EEPD1: variants seen among roughly 807,000 people sequenced by gnomAD.
The protein encoded by EEPD1 is endonuclease/exonuclease/phosphatase family domain-containing protein 1.
A neutral mutation model predicts 46.3 loss-of-function variants in EEPD1; 17 were observed. The ratio of observed to expected loss-of-function variants is 0.37; its 90% CI spans 0.25 to 0.55. EEPD1 has a LOEUF of 0.55. Among genes scored for constraint, EEPD1 ranks in the 20% least tolerant of loss-of-function variants. EEPD1 has a pLI of 0.83. For synonymous variants in EEPD1, 313 were observed against 315.6 expected (o/e 0.99, Z 0.09); for missense variants, 673 against 745.6 (o/e 0.90, Z 1.13).
At chr7:36,160,877 G>T (rs1461937335) in intron 2 of EEPD1, among the ~76,000 whole-genome samples, 1 of 152,096 alleles carries the variant, frequency 6.6e-6, no homozygotes, top group Non-Finnish European at 1.5e-5. Context: ...ATGCTCTGAG[G>T]TTTCTATGAG....
chr7:36,252,829 C>CTTTTTTTTTT (rs71553053), intron 3 of EEPD1, among the ~76,000 whole-genome samples: 3 of 54,896 alleles, frequency 5.5e-5, no homozygotes, highest in African/African-American at 7.7e-5. Context: ...GTGTTCTCTC[C>CTTTTTTTTTT]TTTTTTTTTT....
intron 2 of EEPD1, among the ~76,000 whole-genome samples, chr7:36,175,333 T>C (rs1785159308): frequency 6.6e-6 from 1 of 152,166 alleles, no homozygotes; most frequent in African/African-American, 2.4e-5. Flanking sequence ...TGGGCTTAAG[T>C]GATCCTCCCA....
At chr7:36,191,771 A>G (rs1309051874) in intron 2 of EEPD1, among the ~76,000 whole-genome samples, 1 of 152,226 alleles carries the variant, frequency 6.6e-6, no homozygotes, top group Non-Finnish European at 1.5e-5. Context: ...TGACCATTCC[A>G]GCGGGCAGCA....
intron 2 of EEPD1, among the ~76,000 whole-genome samples, chr7:36,208,353 G>A (rs1301477960): frequency 2.0e-5 from 3 of 152,238 alleles, no homozygotes; most frequent in Non-Finnish European, 2.9e-5. Context: ...CCTTTACAAA[G>A]AGTAAGCAGC....
At chr7:36,222,500 A>G (rs1180906321) in intron 2 of EEPD1, among the ~76,000 whole-genome samples, 3 of 152,224 alleles carry the variant, frequency 2.0e-5, no homozygotes, top group Non-Finnish European at 4.4e-5. Flanking sequence ...GGTGAACTGT[A>G]TATATAACAG....
chr7:36,268,362 T>C (rs196574), intron 3 of EEPD1, among the ~76,000 whole-genome samples: 1 of 152,130 alleles, frequency 6.6e-6, no homozygotes, highest in East Asian at 1.9e-4. Context: ...GGTTTCACCA[T>C]CTTGTCCAGG....
chr7:36,289,604 C>T (rs1351914040), intron 6 of EEPD1, among the ~76,000 whole-genome samples: 1 of 152,236 alleles, frequency 6.6e-6, no homozygotes. Flanking sequence ...ACGCCATTCT[C>T]CTGCCTCAGC....
rs1183094842 is a variant in EEPD1 at position 36,176,273 on chromosome 7, C to T, written c.878+21071C>T. On this transcript the variant is annotated intron_variant, in intron 2 of 7. Coordinates refer to ENST00000242108, the MANE Select transcript of EEPD1 (RefSeq NM_030636.3). ...TGGTGGTGGCTGGGGCGAGGATGCT[C>T]AGTGCGTTTGGAAGACAGCAAATCA... Among the ~76,000 whole-genome samples, 5 of 152,282 alleles carry T rather than the reference C, an allele frequency of 3.3e-5. 1 individual carries two copies. The highest frequency in any genetic ancestry group is 3.4e-3 in the Middle Eastern group (1 of 294).
intron 2 of EEPD1, among the ~76,000 whole-genome samples, chr7:36,180,758 T>C (rs930960982): frequency 5.3e-5 from 8 of 152,120 alleles, no homozygotes; most frequent in African/African-American, 1.2e-4. Flanking sequence ...GTCGGGCTCC[T>C]TCCCTGCTCT....
intron 3 of EEPD1, among the ~76,000 whole-genome samples, chr7:36,255,342 A>G (rs919070651): frequency 1.3e-5 from 2 of 152,176 alleles, no homozygotes; most frequent in African/African-American, 2.4e-5. Context: ...ATCCAGTTTC[A>G]GTTTTCTGCA....
chr7:36,214,867 G>A (rs544325731), intron 2 of EEPD1, among the ~76,000 whole-genome samples: 31 of 152,284 alleles, frequency 2.0e-4, no homozygotes, highest in Non-Finnish European at 2.5e-4. Flanking sequence ...TTCCCTGAGC[G>A]GAGAGAATCA....
intron 2 of EEPD1, among the ~76,000 whole-genome samples, chr7:36,227,801 C>G (rs1786253918): frequency 6.6e-6 from 1 of 152,166 alleles, no homozygotes; most frequent in African/African-American, 2.4e-5. Context: ...GATTCTCCTG[C>G]CTCAGGCTCC....
chr7:36,278,087 A>G (rs196584), intron 3 of EEPD1, among the ~76,000 whole-genome samples: 135,762 of 152,220 alleles, frequency 0.89, 60,746 homozygotes, highest in Non-Finnish European at 0.92. Context: ...GCCCCTGAGA[A>G]TCTTTAGTTA....
chr7:36,199,275 C>A (rs1412622046), intron 2 of EEPD1, among the ~76,000 whole-genome samples: 2 of 152,118 alleles, frequency 1.3e-5, no homozygotes, highest in Non-Finnish European at 2.9e-5. Context: ...TGAGTTGACA[C>A]AGTTTTCCAG....
chr7:36,288,801 G>C (rs1355735070), intron 6 of EEPD1, among the ~76,000 whole-genome samples: 1 of 150,958 alleles, frequency 6.6e-6, no homozygotes, highest in African/African-American at 2.4e-5. Context: ...CCAGGACAAA[G>C]GGGGGCTATG....
chr7:36,236,656 T>A (rs1425259292), intron 2 of EEPD1, among the ~76,000 whole-genome samples: 2 of 152,034 alleles, frequency 1.3e-5, no homozygotes, highest in Non-Finnish European at 2.9e-5. Context: ...TAGCTAAAGG[T>A]TTGTAAACGC....
chr7:36,284,430 A>G (rs2115876787), intron 4 of EEPD1, among the ~76,000 whole-genome samples: 1 of 152,202 alleles, frequency 6.6e-6, no homozygotes, highest in Non-Finnish European at 1.5e-5. Flanking sequence ...GGCTTCACCC[A>G]CCTCCCCCCA....
rs568936724 is a variant in EEPD1, at chr7:36,155,347, G to T, written c.878+145G>T. On this transcript the variant is annotated intron_variant, in intron 2 of 7. Transcript: ENST00000242108. ...TGTTCTTGAAGCCTCAGCCAATACC[G>T]TCACCTGAGAATGGGCTGTCCTTCT... 177 of 1,005,210 alleles carry T rather than the reference G, an allele frequency of 1.8e-4. 1 individual carries two copies. The African/African-American group carries it at 2.8e-3, about 16-fold the overall frequency. The allele number at this position is 1,005,210 out of a possible 1,614,324, so 62.3% of individuals were successfully genotyped here. A position where few individuals can be genotyped will look rare whatever the true frequency, so the allele number is the denominator to read the frequency against.
Position 36,225,402 on chromosome 7 carries a change from TC to T in EEPD1, c.879-13581del, listed in dbSNP as rs2115754048. On this transcript the variant is annotated intron_variant, in intron 2 of 7. Transcript: ENST00000242108. The surrounding 1 kb of genome is among the most constrained non-coding windows in gnomAD (Gnocchi z 4.2). ...GATTATTGAAATCAGTGATCCGTCA[TC>T]CAAACTGTGATGGAAGGAAACCCCG... Among the ~76,000 whole-genome samples the T allele has an allele frequency of 6.6e-6, 1 of 152,236 alleles. No homozygotes were observed. Among genetic ancestry groups the T allele is most frequent in the South Asian group, 2.1e-4 (1 of 4,822 alleles).
Sources: gnomAD v4.1 joint callset for allele counts (sites outside exome capture counted in the v4.1 genomes callset) on GRCh38, gnomAD v4.1.1 for gene constraint, Gnocchi (gnomAD v3.1) non-coding constraint, MANE v1.5 for transcripts, NCBI Gene and HGNC (gene_info 2026-07-23, HGNC 2026-07-21) for gene names.